The following VAT1L variants were observed in gnomAD, a reference collection of about 807,000 sequenced individuals.
The protein encoded by VAT1L is vesicle amine transport 1 like.
In VAT1L, 34 loss-of-function variants were observed where a neutral mutation model predicts 44.1. The observed-to-expected ratio is 0.77, with a 90% CI of 0.59 to 1.03. VAT1L has a LOEUF of 1.03. VAT1L is among the 50% of genes least tolerant of loss of function. The pLI is 0.00. For synonymous variants in VAT1L, 253 were observed against 202.2 expected (o/e 1.25, Z -2.13); for missense variants, 615 against 538.8 (o/e 1.14, Z -1.40).
intron 7 of VAT1L, among the ~76,000 whole-genome samples, chr16:77,963,114 C>T (rs1357671678): frequency 6.6e-6 from 1 of 152,200 alleles, no homozygotes; most frequent in Admixed American, 6.5e-5. Flanking sequence ...CCTCAACCTT[C>T]ACGGCAGTTC....
chr16:77,930,304 G>T (rs1286810646), intron 7 of VAT1L, among the ~76,000 whole-genome samples: 1 of 152,164 alleles, frequency 6.6e-6, no homozygotes, highest in Non-Finnish European at 1.5e-5. Context: ...TCTCTCCCAT[G>T]AGTATCATTA....
At position 77,884,510 on chromosome 16, in the gene VAT1L, C is replaced by CG; in HGVS notation, c.883-97dup. 1 of 1,236,942 alleles carries CG rather than the reference C, an allele frequency of 8.1e-7. No homozygotes were observed. Among genetic ancestry groups the CG allele is most frequent in the African/African-American group, 1.6e-5 (1 of 63,804 alleles). 76.6% of individuals were successfully genotyped at this position (1,236,942 alleles called of 1,614,324 possible). Reference sequence around the variant, plus strand: ...TGGAATCTGCTGAGCTGCAGCCCCACGTTCCCCCTGTAGTAGCTGATGACA... The same window carrying CG: ...TGGAATCTGCTGAGCTGCAGCCCCACGGTTCCCCCTGTAGTAGCTGATGACA... On this transcript the variant is annotated intron_variant, in intron 6 of 8. Coordinates refer to ENST00000302536, the MANE Select transcript of VAT1L (RefSeq NM_020927.3). The surrounding 1 kb of genome is among the most constrained non-coding windows in gnomAD (Gnocchi z 4.5).
intron 7 of VAT1L, among the ~76,000 whole-genome samples, chr16:77,944,668 ACATAAT>A (rs900626505): frequency 2.1e-4 from 32 of 152,326 alleles, no homozygotes; most frequent in African/African-American, 6.5e-4. Flanking sequence ...TTCTCAACAA[ACATAAT>A]CATTATCATC....
At chr16:77,968,079 G>A (rs1457726610) in intron 7 of VAT1L, among the ~76,000 whole-genome samples, 3 of 152,144 alleles carry the variant, frequency 2.0e-5, no homozygotes, top group Non-Finnish European at 4.4e-5. Context: ...TGTGAGATAA[G>A]AATATATTAT....
chr16:77,945,411 T>G (rs1244806587), intron 7 of VAT1L, among the ~76,000 whole-genome samples: 2 of 150,440 alleles, frequency 1.3e-5, no homozygotes, highest in Non-Finnish European at 2.9e-5. Context: ...CTCAGTCTCC[T>G]GAGTAACTGC....
intron 4 of VAT1L, among the ~76,000 whole-genome samples, chr16:77,869,103 G>A (rs1485214816): frequency 1.3e-5 from 2 of 152,160 alleles, no homozygotes; most frequent in Non-Finnish European, 2.9e-5. Flanking sequence ...AATGGTGAGA[G>A]AAGAGATCTC....
intron 7 of VAT1L, among the ~76,000 whole-genome samples, chr16:77,905,987 G>A (rs2017432776): frequency 6.6e-6 from 1 of 152,096 alleles, no homozygotes; most frequent in Non-Finnish European, 1.5e-5. Context: ...TGATGTTTGA[G>A]GTTCCCCTCA....
intron 7 of VAT1L, among the ~76,000 whole-genome samples, chr16:77,963,943 G>T (rs1398760757): frequency 6.6e-6 from 1 of 152,172 alleles, no homozygotes; most frequent in Non-Finnish European, 1.5e-5. Flanking sequence ...TCTTACAAAA[G>T]GGCCTTCCGT....
chr16:77,974,741 T>C (rs1384747542), intron 8 of VAT1L, among the ~76,000 whole-genome samples: 2 of 151,956 alleles, frequency 1.3e-5, no homozygotes, highest in Non-Finnish European at 2.9e-5. Context: ...TTTTTTTTTA[T>C]TATTTTTAGT....
At chr16:77,924,739 G>A (rs533753878) in intron 7 of VAT1L, among the ~76,000 whole-genome samples, 8 of 152,200 alleles carry the variant, frequency 5.3e-5, no homozygotes, top group African/African-American at 2.4e-5. Context: ...GATTACAGGC[G>A]TGAGCCACCA....
chr16:77,911,403 G>C lies in VAT1L; in HGVS notation c.1077+26601G>C, dbSNP rs912411413. Among the ~76,000 whole-genome samples, 21 of 152,224 alleles carry C rather than the reference G, an allele frequency of 1.4e-4. No individual in the cohort carries two copies. In the East Asian group the frequency reaches 2.3e-3, roughly 17 times the overall value. On this transcript the variant is annotated intron_variant, in intron 7 of 8. Transcript: ENST00000302536. ...GCATAGTGTCCTGTGGGGTACTAAG[G>C]ATTCAGTACTTCTCTTAAATTCATA...
chr16:77,956,868 T>A (rs963239516), intron 7 of VAT1L, among the ~76,000 whole-genome samples: 2 of 152,232 alleles, frequency 1.3e-5, no homozygotes, highest in Non-Finnish European at 2.9e-5. Flanking sequence ...GTTGGCTGAC[T>A]AATTTTGCAG....
chr16:77,937,087 T>G (rs919989003), intron 7 of VAT1L, among the ~76,000 whole-genome samples: 5 of 152,090 alleles, frequency 3.3e-5, no homozygotes, highest in Non-Finnish European at 5.9e-5. Context: ...TTCACCATGT[T>G]GGTCAGGATG....
intron 3 of VAT1L, among the ~76,000 whole-genome samples, chr16:77,829,536 T>A (rs1387146523): frequency 2.6e-5 from 4 of 152,234 alleles, no homozygotes; most frequent in African/African-American, 9.6e-5. Context: ...CCATGCTCTG[T>A]CATATCTTTG....
chr16:77,823,465 CA>C, intron 2 of VAT1L, among the ~76,000 whole-genome samples: 1 of 152,014 alleles, frequency 6.6e-6, no homozygotes, highest in East Asian at 1.9e-4. Context: ...AACCTAAGAT[CA>C]AAAAGGGGCT....
At chr16:77,864,892 T>G (rs1001718691) in intron 4 of VAT1L, among the ~76,000 whole-genome samples, 12 of 152,134 alleles carry the variant, frequency 7.9e-5, no homozygotes, top group African/African-American at 2.9e-4. Context: ...GTTTCTCAGA[T>G]GTCTAGAGGC....
At chr16:77,948,740 A>T (rs2018003128) in intron 7 of VAT1L, among the ~76,000 whole-genome samples, 1 of 152,148 alleles carries the variant, frequency 6.6e-6, no homozygotes. Context: ...TTTCATAAAC[A>T]TTCTAAGTTA....
intron 1 of VAT1L, among the ~76,000 whole-genome samples, chr16:77,812,273 G>A (rs568498174): frequency 1.8e-4 from 28 of 152,014 alleles, no homozygotes; most frequent in Non-Finnish European, 3.5e-4. Context: ...GGGTTTCACC[G>A]TGTTGGCCAG....
Position 77,867,856 on chromosome 16 carries a change from T to TAA in VAT1L, c.722+4980_722+4981dup, listed in dbSNP as rs11379354. Among the ~76,000 whole-genome samples, 139 of 137,256 alleles carry TAA rather than the reference T, an allele frequency of 1.0e-3. 1 individual carries two copies. The highest frequency in any genetic ancestry group is 5.0e-3 in the East Asian group (24 of 4,778). 90.0% of individuals were successfully genotyped at this position (137,256 alleles called of 152,430 possible). On this transcript the variant is annotated intron_variant, in intron 4 of 8. Transcript: ENST00000302536. ...CCTGGGCGACAGAGCGAGACTATCT[T>TAA]AAAAAAAAAAAAAAAGAAAGAAAGA...
Sources: allele counts gnomAD v4.1 joint callset (sites outside exome capture counted in the v4.1 genomes callset), GRCh38; gene constraint gnomAD v4.1.1; non-coding constraint Gnocchi (gnomAD v3.1); transcripts MANE v1.5; gene names NCBI Gene and HGNC (gene_info 2026-07-23, HGNC 2026-07-21).